Variants in CRB1 observed in about 807,000 individuals in gnomAD.
CRB1 encodes protein crumbs homolog 1.
CRB1 carries 83 observed loss-of-function variants against 120.0 expected under a neutral mutation model. The observed-to-expected ratio is 0.69, with a 90% CI of 0.58 to 0.83. The LOEUF (loss-of-function observed/expected upper bound fraction) is 0.83. CRB1 is among the 40% of genes least tolerant of loss of function. The pLI is 0.00. For missense variants in CRB1, 1,699 were observed against 1,687.6 expected, an observed-to-expected ratio of 1.01 and a Z score of -0.12; for synonymous variants, 625 against 612.5, an observed-to-expected ratio of 1.02 and a Z score of -0.30.
At chr1:197,430,301 T>C (rs779615957) in intron 8 of CRB1, among the ~76,000 whole-genome samples, 2 of 152,198 alleles carry the variant, frequency 1.3e-5, no homozygotes, top group Non-Finnish European at 2.9e-5. Flanking sequence ...GTCCAGTTAA[T>C]AGCCAACCCT....
At chr1:197,204,414 CT>C in the CRB1 span, among the ~76,000 whole-genome samples, 1 of 152,190 alleles carries the variant, frequency 6.6e-6, no homozygotes, top group African/African-American at 2.4e-5. Flanking sequence ...AAAGTGTTCC[CT>C]TTTCACCATG....
chr1:197,353,694 G>A (rs1660240251), intron 4 of CRB1, among the ~76,000 whole-genome samples: 1 of 151,868 alleles, frequency 6.6e-6, no homozygotes, highest in South Asian at 2.1e-4. Flanking sequence ...CCAGCTACTT[G>A]GGAGGCTGAG....
intron 8 of CRB1, among the ~76,000 whole-genome samples, chr1:197,430,485 A>G (rs1410063509): frequency 6.6e-6 from 1 of 152,092 alleles, no homozygotes; most frequent in Non-Finnish European, 1.5e-5. Flanking sequence ...AAGAATAGGG[A>G]GTAAAAAACC....
Position 197,435,005 on chromosome 1 carries a change from A to T in CRB1, c.3142A>T (p.Thr1048Ser). 6.2e-7 allele frequency: 1 copy of T among 1,613,898 alleles called. No individual in the cohort carries two copies. Among genetic ancestry groups the T allele is most frequent in the Non-Finnish European group, 8.5e-7 (1 of 1,179,892 alleles). The part of the protein sequence containing the change: ...TLSMTDPLSQ[T>S]SRWQMEVDNE... ...TTCCATGACAGACCCACTGTCCCAG[A>T]CCTCCAGGTGGCAAATGGAAGTGGA... The change falls in exon 9 of 12, where the codon ACC (threonine) becomes TCC (serine). Residue 1048 changes from threonine (T) to serine (S), a missense_variant. Transcript: ENST00000367400.
chr1:197,463,376 A>T (rs1201294100), intron 11 of CRB1, among the ~76,000 whole-genome samples: 1 of 152,190 alleles, frequency 6.6e-6, no homozygotes, highest in Non-Finnish European at 1.5e-5. Context: ...AACAAAACAC[A>T]CACACACTAA....
chr1:197,319,431 T>TAAA (rs1288199289), intron 1 of CRB1, among the ~76,000 whole-genome samples: 1 of 5,148 alleles, frequency 1.9e-4, no homozygotes, highest in African/African-American at 9.9e-4. Context: ...AGACTCCATC[T>TAAA]CAAAAAAAAA....
chr1:197,451,829 A>T (rs1312009891), intron 11 of CRB1, among the ~76,000 whole-genome samples: 1 of 152,220 alleles, frequency 6.6e-6, no homozygotes, highest in South Asian at 2.1e-4. Context: ...ACATTCCATT[A>T]TAAATTGTAG....
At chr1:197,475,524 TAAAC>T (rs540623548) in intron 11 of CRB1, among the ~76,000 whole-genome samples, 155 of 152,270 alleles carry the variant, frequency 1.0e-3, no homozygotes, top group African/African-American at 3.5e-3. Context: ...ACTAATAAGA[TAAAC>T]TAACTTCTCT....
intron 9 of CRB1, among the ~76,000 whole-genome samples, chr1:197,437,586 C>T (rs919729971): frequency 1.3e-5 from 2 of 151,890 alleles, no homozygotes; most frequent in African/African-American, 4.8e-5. Context: ...ATTTGCATTG[C>T]TAATTGACCT....
upstream of CRB1, among the ~76,000 whole-genome samples, chr1:197,263,348 A>G (rs1654556635): frequency 6.6e-6 from 1 of 152,064 alleles, no homozygotes; most frequent in South Asian, 2.1e-4. Context: ...GTGTCTGTTC[A>G]TGTCTTTTGC....
intron 5 of CRB1, among the ~76,000 whole-genome samples, chr1:197,405,431 T>C (rs1242418673): frequency 6.6e-6 from 1 of 151,362 alleles, no homozygotes; most frequent in Non-Finnish European, 1.5e-5. Flanking sequence ...CGCTACAACC[T>C]CCACCTCCCA....
chr1:197,280,204 G>T (rs1655442998), intron 1 of CRB1, among the ~76,000 whole-genome samples: 1 of 151,808 alleles, frequency 6.6e-6, no homozygotes, highest in African/African-American at 2.4e-5. Context: ...GTCTTCTATA[G>T]ATACAGCATG....
chr1:197,277,269 C>A (rs1256175706), intron 1 of CRB1, among the ~76,000 whole-genome samples: 1 of 151,926 alleles, frequency 6.6e-6, no homozygotes, highest in Non-Finnish European at 1.5e-5. Flanking sequence ...ATTGTGTAGT[C>A]TTTTTGGTTC....
intron 8 of CRB1, among the ~76,000 whole-genome samples, chr1:197,433,834 A>G (rs1268690273): frequency 1.3e-5 from 2 of 152,164 alleles, no homozygotes; most frequent in African/African-American, 2.4e-5. Context: ...AATACAGACA[A>G]TACGTCTATT....
At chr1:197,426,920 G>T (rs997696361) in intron 6 of CRB1, among the ~76,000 whole-genome samples, 2 of 152,148 alleles carry the variant, frequency 1.3e-5, no homozygotes, top group African/African-American at 4.8e-5. Context: ...GCAGACCTGG[G>T]ACAAATACAT....
intron 8 of CRB1, among the ~76,000 whole-genome samples, 177 bp from the exon 9 acceptor site, chr1:197,434,529 C>G (rs974971316): frequency 3.3e-5 from 5 of 151,916 alleles, no homozygotes; most frequent in African/African-American, 1.2e-4. Flanking sequence ...ATAATAATAC[C>G]TGTATTCAAA....
the CRB1 span, among the ~76,000 whole-genome samples, chr1:197,252,803 C>T: frequency 6.6e-6 from 1 of 151,108 alleles, no homozygotes; most frequent in Admixed American, 6.6e-5. Flanking sequence ...CCAGGAGCTC[C>T]GATGTCTGAG....
chr1:197,392,703 A>T (rs1558103730), intron 5 of CRB1, among the ~76,000 whole-genome samples: 1 of 152,198 alleles, frequency 6.6e-6, no homozygotes, highest in Admixed American at 6.5e-5. Context: ...AAGTGAATCA[A>T]TATGACTACA....
At position 197,293,874 on chromosome 1, in the gene CRB1, A is replaced by G. The variant is rs563556594; in HGVS notation, c.70+25392A>G. 4.6e-5 allele frequency among the ~76,000 whole-genome samples: 7 copies of G among 152,304 alleles called. No homozygotes were observed. In the East Asian group the frequency reaches 7.7e-4, roughly 17 times the overall value. On this transcript the variant is annotated intron_variant, in intron 1 of 11. Transcript: ENST00000367400. ...TGGCTAGCCATATGTAGAAAGCTGA[A>G]ACTGGATCCCTTCCTTACACCTTAT...
Sources: gnomAD v4.1 joint callset for allele counts (sites outside exome capture counted in the v4.1 genomes callset) on GRCh38, gnomAD v4.1.1 for gene constraint, MANE v1.5 for transcripts, NCBI Gene and HGNC (gene_info 2026-07-23, HGNC 2026-07-21) for gene names.